HARBI1: variants seen among roughly 807,000 people sequenced by gnomAD.
The protein encoded by HARBI1 is putative nuclease HARBI1.
In HARBI1, 15 loss-of-function variants were observed where a neutral mutation model predicts 25.3. The observed-to-expected ratio is 0.59, with a 90% CI of 0.40 to 0.91. HARBI1 has a LOEUF of 0.91. HARBI1 is among the 40% of genes least tolerant of loss of function. HARBI1 has a pLI of 0.00. For missense variants in HARBI1, 396 were observed against 445.8 expected, an observed-to-expected ratio of 0.89 and a Z score of 1.01; for synonymous variants, 168 against 160.5, an observed-to-expected ratio of 1.05 and a Z score of -0.35.
At chr11:46,616,968 G>A in intron 1 of HARBI1, 156 bp downstream of exon 1, 1 of 984,854 alleles carries the variant, frequency 1.0e-6, no homozygotes, top group African/African-American at 1.8e-5. Context: ...GGGCCAGGAA[G>A]TACGGAAGAC....
Position 46,615,921 on chromosome 11 carries a change from T to G in HARBI1, c.317A>C (p.Asn106Thr). The G allele has an allele frequency of 6.2e-7, 1 of 1,614,172 alleles. No individual in the cohort carries two copies. The highest frequency in any genetic ancestry group is 8.5e-7 in the Non-Finnish European group (1 of 1,180,024). The change falls in exon 2 of 3, where the codon AAT (asparagine) becomes ACT (threonine). Residue 106 changes from asparagine (N) to threonine (T), a missense_variant. Physicochemically the swap from Asn to Thr is moderately conservative, Grantham distance 65 (BLOSUM62 0). Transcript: ENST00000326737. The part of the protein sequence containing the change: ...SQASMSRCVA[N>T]VTEALVERAS... ...CCTTTCCACAAGTGCTTCAGTGACATTGGCAACACAACGACTCATAGACGC... is the reference window on the plus strand; with the variant it reads ...CCTTTCCACAAGTGCTTCAGTGACAGTGGCAACACAACGACTCATAGACGC...
intron 1 of HARBI1, 97 bp downstream of exon 1, chr11:46,617,027 T>G: frequency 1.0e-6 from 1 of 984,982 alleles, no homozygotes; most frequent in Non-Finnish European, 1.2e-6. Context: ...CGAACCAGGT[T>G]TGGGAAGCGA....
intron 2 of HARBI1, among the ~76,000 whole-genome samples, chr11:46,613,450 A>G (rs2045259352): frequency 6.7e-6 from 1 of 149,100 alleles, no homozygotes; most frequent in Non-Finnish European, 1.5e-5. Context: ...TACTTAAACA[A>G]TTCTGGACAG....
In HARBI1 at chr11:46,603,772, G is replaced by C. The variant is rs758350757; in HGVS notation, c.808C>G (p.Arg270Gly). 6.2e-7 allele frequency: 1 copy of C among 1,614,174 alleles called. No homozygotes were observed. The highest frequency in any genetic ancestry group is 1.1e-5 in the South Asian group (1 of 91,072). The change falls in exon 3 of 3, where the codon CGA (arginine) becomes GGA (glycine). Residue 270 changes from arginine to glycine, a missense_variant. Arg to Gly is a moderately radical substitution (Grantham distance 125). Transcript: ENST00000326737. ...TTGGATCCATCCAGGCAGCGGAATC[G>C]GGAGCAGAGGGTTCGGAAAGTCTTC... ...IEKTFRTLCS[R>G]FRCLDGSKGA...
At chr11:46,606,761 C>G (rs1378780870) in intron 2 of HARBI1, among the ~76,000 whole-genome samples, 1 of 152,036 alleles carries the variant, frequency 6.6e-6, no homozygotes, top group Admixed American at 6.5e-5. Flanking sequence ...TCCCAACACA[C>G]CCTCCTGAGT....
intron 2 of HARBI1, among the ~76,000 whole-genome samples, chr11:46,608,497 T>C (rs1030030572): frequency 6.6e-6 from 1 of 151,986 alleles, no homozygotes; most frequent in African/African-American, 2.4e-5. Flanking sequence ...CAGACTGGAG[T>C]GCAATAGCAC....
chr11:46,616,860 A>AC, intron 1 of HARBI1: 12 of 945,404 alleles, frequency 1.3e-5, no homozygotes, highest in Non-Finnish European at 1.5e-5. Context: ...AAAAAAAAAA[A>AC]AACAACCAAA....
chr11:46,604,686 G>T, intron 2 of HARBI1: 5 of 985,316 alleles, frequency 5.1e-6, no homozygotes, highest in Non-Finnish European at 6.0e-6. Flanking sequence ...AGAAGAATAA[G>T]ATAAAAGTCC....
intron 2 of HARBI1, among the ~76,000 whole-genome samples, chr11:46,607,230 C>T (rs2044990164): frequency 6.7e-6 from 1 of 149,114 alleles, no homozygotes; most frequent in South Asian, 2.1e-4. Context: ...CCACTGCACT[C>T]CAGCCAAGGC....
chr11:46,610,839 CT>C (rs1475231170), intron 2 of HARBI1, among the ~76,000 whole-genome samples: 1 of 151,984 alleles, frequency 6.6e-6, no homozygotes, highest in Non-Finnish European at 1.5e-5. Context: ...CCAACTGAAT[CT>C]TGGATCCCAA....
At chr11:46,604,934 AAACAAC>A (rs767549285) in intron 2 of HARBI1, among the ~76,000 whole-genome samples, 8 of 152,196 alleles carry the variant, frequency 5.3e-5, no homozygotes, top group Non-Finnish European at 1.0e-4. Flanking sequence ...AGTGCTAACA[AAACAAC>A]AACAACAAAA....
At chr11:46,616,885 C>T in intron 1 of HARBI1, 8 of 970,296 alleles carry the variant, frequency 8.2e-6, no homozygotes, top group Non-Finnish European at 9.8e-6. Flanking sequence ...ACAACCCAGC[C>T]TTATGGACGT....
rs562414028 is a variant in HARBI1, at chr11:46,604,881, A to C, written c.671-972T>G. 2.0e-5 allele frequency among the ~76,000 whole-genome samples: 3 copies of C among 152,314 alleles called. No individual in the cohort carries two copies. The East Asian group carries it at 5.8e-4, about 29-fold the overall frequency. ...GAAGTCAATTAAAAAAATACACACA[A>C]GGCATTCTCCTTAAGTGACTTCTTT... On this transcript the variant is annotated intron_variant, in intron 2 of 2. Coordinates refer to ENST00000326737, the MANE Select transcript of HARBI1 (RefSeq NM_173811.4).
In HARBI1 at chr11:46,615,961, T is replaced by C. The variant is rs1165314937; in HGVS notation, c.277A>G (p.Ile93Val). 2.5e-5 allele frequency: 41 copies of C among 1,614,188 alleles called. No homozygotes were observed. Among genetic ancestry groups the C allele is most frequent in the Non-Finnish European group, 3.3e-5 (39 of 1,180,036 alleles). ...CTCATAGACGCCTGACTGATTCCAA[T>C]GGCATCTCCCATCCGAGTCTGGAAG... is the stretch of plus-strand genomic sequence containing the variant. The part of the protein sequence containing the change: ...GSFQTRMGDA[I>V]GISQASMSRC... The change falls in exon 2 of 3, where the codon ATT becomes GTT. Residue 93 changes from isoleucine (I) to valine (V), a missense_variant. Coordinates refer to ENST00000326737, the MANE Select transcript of HARBI1 (RefSeq NM_173811.4).
intron 1 of HARBI1, chr11:46,616,688 G>A (rs915493247): frequency 3.0e-6 from 3 of 994,792 alleles, no homozygotes; most frequent in South Asian, 8.9e-5. Context: ...AACTATATAG[G>A]CCAAGAAGCA....
At chr11:46,603,948 G>A (rs1718623173) in intron 2 of HARBI1, 39 bp from the exon 3 acceptor site, 2 of 1,549,654 alleles carry the variant, frequency 1.3e-6, no homozygotes, top group Non-Finnish European at 1.7e-6. Context: ...ATGACTATAA[G>A]TGGAATAGAA....
At chr11:46,605,376 A>C (rs985251330) in intron 2 of HARBI1, among the ~76,000 whole-genome samples, 3 of 150,782 alleles carry the variant, frequency 2.0e-5, no homozygotes, top group Non-Finnish European at 4.4e-5. Context: ...CAAAATTTTT[A>C]ATGTTTTCTA....
intron 2 of HARBI1, among the ~76,000 whole-genome samples, chr11:46,612,478 T>C (rs1424267391): frequency 6.6e-6 from 1 of 152,088 alleles, no homozygotes; most frequent in Non-Finnish European, 1.5e-5. Flanking sequence ...TCCTCAGAGC[T>C]GTACAGTCAC....
At position 46,603,614 on chromosome 11, in the gene HARBI1, C is replaced by T. The variant is rs201752855; in HGVS notation, c.966G>A (p.Pro322=). ...SPMTGPMEQP[P]EEEYEHMESL... ...ACTCCATGTGCTCATACTCCTCTTC[C>T]GGGGGCTGTTCCATGGGTCCTGTCA... The change falls in exon 3 of 3, where the codon CCG becomes CCA. Residue 322 remains proline (P), a synonymous_variant. Coordinates refer to ENST00000326737, the MANE Select transcript of HARBI1 (RefSeq NM_173811.4). 190 of 1,614,140 alleles carry T rather than the reference C, an allele frequency of 1.2e-4. No homozygotes were observed. The East Asian group carries it at 3.4e-3, about 29-fold the overall frequency.
Sources: allele counts gnomAD v4.1 joint callset (sites outside exome capture counted in the v4.1 genomes callset), GRCh38; gene constraint gnomAD v4.1.1; transcripts MANE v1.5; gene names NCBI Gene and HGNC (gene_info 2026-07-23, HGNC 2026-07-21).